The following DNMT1 variants were observed in gnomAD, a reference collection of about 807,000 sequenced individuals.
The protein encoded by DNMT1 is DNA (cytosine-5)-methyltransferase 1.
Under a neutral mutation model 205.3 loss-of-function variants are expected in DNMT1, and 24 were observed. The ratio of observed to expected loss-of-function variants is 0.12; its 90% CI spans 0.08 to 0.16. The LOEUF (loss-of-function observed/expected upper bound fraction) is 0.16, where lower values mean the gene tolerates loss of function less well. DNMT1 is among the 10% of genes least tolerant of loss of function. DNMT1 has a pLI of 1.00. For synonymous variants in DNMT1, 817 were observed against 839.8 expected (o/e 0.97, Z 0.47); for missense variants, 1,293 against 2,177.7 (o/e 0.59, Z 8.09).
intron 29 of DNMT1, among the ~76,000 whole-genome samples, 182 bp from the exon 30 acceptor site, chr19:10,142,402 C>T (rs141779159): frequency 6.7e-6 from 1 of 149,076 alleles, no homozygotes; most frequent in Non-Finnish European, 1.5e-5. Flanking sequence ...CCTCCCCACA[C>T]TGGGGAACTG....
intron 9 of DNMT1, among the ~76,000 whole-genome samples, chr19:10,169,824 G>C (rs2038776030): frequency 6.6e-6 from 1 of 152,192 alleles, no homozygotes; most frequent in Admixed American, 6.6e-5. Context: ...AATCCTGAGA[G>C]TATGCTTACA....
rs532154023 is a variant in DNMT1 at position 10,194,867 on chromosome 19, G to A, written c.33C>T (p.Pro11=). 1.2e-6 allele frequency: 2 copies of A among 1,611,202 alleles called. No homozygotes were observed. The highest frequency in any genetic ancestry group is 8.5e-7 in the Non-Finnish European group (1 of 1,179,118). ...GCGAGATGGCCGGGACGGCCAGTGT[G>A]GGCACCCGGGCTGGGGCGGTACGCG... MPARTAPARV[P]TLAVPAISLP... Residue 11 remains proline (P), a synonymous_variant, in exon 1 of 41, where the codon CCC becomes CCT. Transcript: ENST00000359526.
intron 9 of DNMT1, among the ~76,000 whole-genome samples, chr19:10,171,636 T>C (rs1438980567): frequency 6.6e-6 from 1 of 151,962 alleles, no homozygotes; most frequent in African/African-American, 2.4e-5. Context: ...AAACCCCTTC[T>C]CTACTAAAAA....
intron 33 of DNMT1, 44 bp from the exon 34 acceptor site, chr19:10,139,861 G>A: frequency 2.6e-6 from 4 of 1,560,214 alleles, no homozygotes; most frequent in African/African-American, 1.4e-5. Flanking sequence ...TCCACAGACA[G>A]AGGGAAGAAA....
intron 1 of DNMT1, among the ~76,000 whole-genome samples, chr19:10,182,996 C>T (rs953025479): frequency 6.8e-6 from 1 of 147,978 alleles, no homozygotes; most frequent in African/African-American, 2.5e-5. Flanking sequence ...TATATATACA[C>T]GTATATGTGT....
intron 12 of DNMT1, 155 bp from the exon 13 acceptor site, chr19:10,162,903 G>C: frequency 1.4e-6 from 1 of 730,622 alleles, no homozygotes; most frequent in South Asian, 1.6e-5. Flanking sequence ...ATCCCGAGAC[G>C]AGGCCTTCAG....
intron 13 of DNMT1, among the ~76,000 whole-genome samples, chr19:10,160,880 G>T (rs2038553294): frequency 6.6e-6 from 1 of 152,120 alleles, no homozygotes; most frequent in Non-Finnish European, 1.5e-5. Context: ...GAGTGAGTGA[G>T]ACTCCATCTC....
chr19:10,145,403 G>A (rs1015992782), intron 28 of DNMT1, among the ~76,000 whole-genome samples: 5 of 152,228 alleles, frequency 3.3e-5, no homozygotes, highest in Non-Finnish European at 5.9e-5. Flanking sequence ...ATAATTCACA[G>A]TAACTGAACT....
chr19:10,163,534 T>G (rs2038625896), intron 11 of DNMT1, among the ~76,000 whole-genome samples, 174 bp from the exon 12 acceptor site: 1 of 152,100 alleles, frequency 6.6e-6, no homozygotes, highest in Non-Finnish European at 1.5e-5. Context: ...GGCTTCACTT[T>G]CCCTCACTTA....
chr19:10,162,651 A>T lies in DNMT1; in HGVS notation c.1008+16T>A, dbSNP rs199577566. ...AAAAAAAAAAAAAAAGAAAGAAAGA[A>T]AAGTGAGACCTTTACCTTTTCATCC... is the stretch of plus-strand genomic sequence containing the variant. On this transcript the variant is annotated intron_variant, in intron 13 of 40. Coordinates refer to ENST00000359526, the MANE Select transcript of DNMT1 (RefSeq NM_001130823.3). 6.2e-7 allele frequency: 1 copy of T among 1,601,612 alleles called. No individual in the cohort carries two copies. The highest frequency in any genetic ancestry group is 1.7e-4 in the Middle Eastern group (1 of 6,020).
At position 10,137,810 on chromosome 19, in the gene DNMT1, C is replaced by T. The variant is rs911023378; in HGVS notation, c.4293+22G>A. ...GCTGGGCTGGGCCTCGAGGAGGAGC[C>T]GCTCTGTCAGGGTGCCATTACCTTA... On this transcript the variant is annotated intron_variant, in intron 36 of 40. Coordinates refer to ENST00000359526, the MANE Select transcript of DNMT1 (RefSeq NM_001130823.3). This position sits in a 1 kb window ranked among gnomAD's most constrained non-coding sequence, Gnocchi z 6.4. 2 of 1,609,660 alleles carry T rather than the reference C, an allele frequency of 1.2e-6. No homozygotes were observed. The highest frequency in any genetic ancestry group is 2.2e-5 in the East Asian group (1 of 44,770).
chr19:10,188,259 AC>A (rs1199705506), intron 1 of DNMT1, among the ~76,000 whole-genome samples: 1 of 151,994 alleles, frequency 6.6e-6, no homozygotes, highest in Non-Finnish European at 1.5e-5. Context: ...GAGTAGACCC[AC>A]TGGGCACAGT....
rs2038855877 is a variant in DNMT1, at chr19:10,173,085, T to G, written c.768+5A>C. 1 of 1,614,024 alleles carries G rather than the reference T, an allele frequency of 6.2e-7. No homozygotes were observed. ...TTAACAAACTTAGAGGTGATAGAGC[T>G]TTACTTTTTCATCTCTTTCTTCTTC... is the stretch of plus-strand genomic sequence containing the variant. On this transcript the variant is annotated splice_donor_5th_base_variant and intron_variant, in intron 9 of 40. Coordinates refer to ENST00000359526, the MANE Select transcript of DNMT1 (RefSeq NM_001130823.3).
Position 10,138,112 on chromosome 19 carries a change from T to A in DNMT1, c.4116-103A>T. 1.4e-6 allele frequency: 2 copies of A among 1,384,262 alleles called. No individual in the cohort carries two copies. The highest frequency in any genetic ancestry group is 1.2e-5 in the South Asian group (1 of 80,798). The allele number at this position is 1,384,262 out of a possible 1,614,324, so 85.7% of individuals were successfully genotyped here. On this transcript the variant is annotated intron_variant, in intron 35 of 40. Transcript: ENST00000359526. This position sits in a 1 kb window ranked among gnomAD's most constrained non-coding sequence, Gnocchi z 4.1. ...CTGCTCAGATGGCCTTCTCCCGAGA[T>A]CACAGCACTGCCCGAGGTCACATGG...
intron 7 of DNMT1, among the ~76,000 whole-genome samples, chr19:10,174,600 A>AG (rs2038893798): frequency 6.6e-6 from 1 of 151,884 alleles, no homozygotes; most frequent in South Asian, 2.1e-4. Flanking sequence ...TCAGCTACTC[A>AG]GGAAGCTGAG....
intron 2 of DNMT1, among the ~76,000 whole-genome samples, chr19:10,181,385 G>C (rs1325062791): frequency 1.3e-5 from 2 of 151,624 alleles, no homozygotes. Context: ...GGAGGCGAAG[G>C]TTGCAGTGAG....
Position 10,142,013 on chromosome 19 carries a change from A to C in DNMT1, c.3309+15T>G. On this transcript the variant is annotated intron_variant, in intron 30 of 40. Coordinates refer to ENST00000359526, the MANE Select transcript of DNMT1 (RefSeq NM_001130823.3). ...TTGACCCCGAAGCCTTCCCTCTAGCAAGCAGGGGCACCACCTCGAGGAAGT... is the reference window on the plus strand; with the variant it reads ...TTGACCCCGAAGCCTTCCCTCTAGCCAGCAGGGGCACCACCTCGAGGAAGT... The C allele has an allele frequency of 6.2e-7, 1 of 1,611,354 alleles. No homozygotes were observed. Among genetic ancestry groups the C allele is most frequent in the Non-Finnish European group, 8.5e-7 (1 of 1,178,448 alleles).
intron 9 of DNMT1, among the ~76,000 whole-genome samples, chr19:10,171,143 A>G (rs2038807545): frequency 6.6e-6 from 1 of 152,166 alleles, no homozygotes; most frequent in Non-Finnish European, 1.5e-5. Flanking sequence ...ACAAACAGAA[A>G]AAAAAACAGG....
At chr19:10,167,489 A>C (rs1032090451) in intron 10 of DNMT1, among the ~76,000 whole-genome samples, 2 of 152,136 alleles carry the variant, frequency 1.3e-5, no homozygotes, top group Non-Finnish European at 1.5e-5. Context: ...GAGCTACTGC[A>C]CCTGGCCCAA....
Sources: allele counts gnomAD v4.1 joint callset (sites outside exome capture counted in the v4.1 genomes callset), GRCh38; gene constraint gnomAD v4.1.1; non-coding constraint Gnocchi (gnomAD v3.1); transcripts MANE v1.5; gene names NCBI Gene and HGNC (gene_info 2026-07-23, HGNC 2026-07-21).